The following MAEA variants were observed in gnomAD, a reference collection of about 807,000 sequenced individuals.
MAEA encodes the protein macrophage erythroblast attacher, E3 ubiquitin ligase.
In MAEA, 22 loss-of-function variants were observed where a neutral mutation model predicts 46.2. That is an observed-to-expected ratio of 0.48 (90% CI 0.34 to 0.68). The LOEUF (loss-of-function observed/expected upper bound fraction) is 0.68. Among genes scored for constraint, MAEA ranks in the 30% least tolerant of loss-of-function variants. The pLI, the probability that MAEA is intolerant of heterozygous loss-of-function variation, is 0.01. For missense variants in MAEA, 393 were observed against 558.1 expected, an observed-to-expected ratio of 0.70 and a Z score of 2.98; for synonymous variants, 246 against 222.6, an observed-to-expected ratio of 1.11 and a Z score of -0.94.
intron 6 of MAEA, among the ~76,000 whole-genome samples, chr4:1,334,102 T>C (rs186036134): frequency 1.7e-4 from 1 of 5,780 alleles, no homozygotes; most frequent in African/African-American, 7.9e-4. Flanking sequence ...ATCCCATGCC[T>C]ACCGTGCTCA....
chr4:1,336,052 G>T (rs530293513), intron 6 of MAEA, among the ~76,000 whole-genome samples: 39 of 146,828 alleles, frequency 2.7e-4, no homozygotes, highest in African/African-American at 9.9e-4. Context: ...GCCCTGCAGT[G>T]TGTTGAAATC....
chr4:1,315,940 C>T (rs1737107462), intron 3 of MAEA, among the ~76,000 whole-genome samples: 1 of 137,572 alleles, frequency 7.3e-6, no homozygotes, highest in African/African-American at 2.7e-5. Flanking sequence ...TGGTGAGGGC[C>T]TCCTCCCCAG....
chr4:1,298,062 C>G, intron 1 of MAEA: 1 of 456,308 alleles, frequency 2.2e-6, no homozygotes, highest in African/African-American at 2.0e-5. Flanking sequence ...GTGTCGAGTA[C>G]TGCCTGGCAG....
chr4:1,337,211 C>T (rs558531402), intron 7 of MAEA: 40 of 576,648 alleles, frequency 6.9e-5, no homozygotes, highest in East Asian at 4.8e-4. Flanking sequence ...GGAAGTGGCG[C>T]GCTTCCTCTC....
intron 5 of MAEA, chr4:1,330,969 A>G (rs1433194311): frequency 6.6e-6 from 1 of 152,166 alleles, no homozygotes; most frequent in Admixed American, 6.5e-5. Context: ...CGCGTAAACC[A>G]GGTCATGCAA....
At chr4:1,298,747 G>A (rs1735031780) in intron 1 of MAEA, among the ~76,000 whole-genome samples, 1 of 152,192 alleles carries the variant, frequency 6.6e-6, no homozygotes, top group South Asian at 2.1e-4. Context: ...ACAGGGTCTA[G>A]TGGACTGATA....
chr4:1,337,733 T>TG, intron 7 of MAEA: 1 of 173,638 alleles, frequency 5.8e-6, no homozygotes, highest in Admixed American at 6.2e-5. Context: ...CCCTGCCCTG[T>TG]GACTGTCTCA....
chr4:1,329,424 C>T (rs759393241), intron 5 of MAEA: 1 of 985,470 alleles, frequency 1.0e-6, no homozygotes, highest in Non-Finnish European at 1.2e-6. Flanking sequence ...GCTGTGCCCT[C>T]TGCGGCCTCG....
intron 4 of MAEA, among the ~76,000 whole-genome samples, chr4:1,326,512 C>T (rs771280044): frequency 2.6e-5 from 4 of 152,302 alleles, no homozygotes; most frequent in South Asian, 2.1e-4. Flanking sequence ...TCTCGGCCCA[C>T]GTTGGACTGA....
At chr4:1,296,608 GCT>G (rs1422283760) in intron 1 of MAEA, among the ~76,000 whole-genome samples, 1 of 147,928 alleles carries the variant, frequency 6.8e-6, no homozygotes, top group African/African-American at 2.6e-5. Flanking sequence ...TGTGCACGTG[GCT>G]CTGAGTCTTC....
intron 6 of MAEA, chr4:1,335,361 C>A: frequency 1.0e-6 from 1 of 985,494 alleles, no homozygotes; most frequent in Non-Finnish European, 1.2e-6. Flanking sequence ...AGTTGATTCA[C>A]AAGTGAGTGT....
chr4:1,296,886 C>A (rs2108859921), intron 1 of MAEA, among the ~76,000 whole-genome samples: 1 of 152,258 alleles, frequency 6.6e-6, no homozygotes, highest in South Asian at 2.1e-4. Flanking sequence ...TCCTCACTTG[C>A]CTATGCTGTC....
chr4:1,315,674 C>T lies in MAEA; in HGVS notation c.456+74C>T, dbSNP rs554990538. ...TATGGCCAGCCGCCCTGTGGCATGT[C>T]CCCCGGCATGCCTGTGTCCCTACAT... On this transcript the variant is annotated intron_variant, in intron 3 of 8. Coordinates refer to ENST00000303400, the MANE Select transcript of MAEA (RefSeq NM_001017405.3). The T allele has an allele frequency of 1.2e-4, 181 of 1,460,908 alleles. 1 individual carries two copies. The Admixed American group carries it at 2.9e-3, about 23-fold the overall frequency. The allele number at this position is 1,460,908 out of a possible 1,614,324, so 90.5% of individuals were successfully genotyped here. A position where few individuals can be genotyped will look rare whatever the true frequency, so the allele number is the denominator to read the frequency against.
At chr4:1,295,315 G>T (rs1449983169) in intron 1 of MAEA, among the ~76,000 whole-genome samples, 1 of 152,058 alleles carries the variant, frequency 6.6e-6, no homozygotes, top group Non-Finnish European at 1.5e-5. Context: ...ATAGCTAGGG[G>T]CCATTATTTT....
chr4:1,315,659 C>G lies in MAEA; in HGVS notation c.456+59C>G, dbSNP rs59318613. On this transcript the variant is annotated intron_variant, in intron 3 of 8. Coordinates refer to ENST00000303400, the MANE Select transcript of MAEA (RefSeq NM_001017405.3). ...AGCTGGCCCCAGGCCTATGGCCAGC[C>G]GCCCTGTGGCATGTCCCCCGGCATG... is the stretch of plus-strand genomic sequence containing the variant. The G allele has an allele frequency of 0.013, 20,292 of 1,551,580 alleles. 1,991 individuals are homozygous for G. The African/African-American group carries it at 0.23, about 17-fold the overall frequency.
intron 5 of MAEA, chr4:1,329,404 C>T (rs1490137319): frequency 2.0e-6 from 2 of 985,452 alleles, no homozygotes; most frequent in Non-Finnish European, 2.4e-6. Context: ...ATGTCTGAGC[C>T]GAGCTCAGAG....
intron 7 of MAEA, chr4:1,337,668 C>A (rs1477868317): frequency 5.8e-6 from 1 of 171,738 alleles, no homozygotes. Context: ...CTGTCCCTTC[C>A]TGCAACTGAG....
intron 3 of MAEA, among the ~76,000 whole-genome samples, chr4:1,319,099 C>T (rs539044931): frequency 6.6e-6 from 1 of 152,342 alleles, no homozygotes; most frequent in African/African-American, 2.4e-5. Flanking sequence ...AACCCGTAAT[C>T]CTAGCACTCT....
chr4:1,337,768 G>T, intron 7 of MAEA: 1 of 172,872 alleles, frequency 5.8e-6, no homozygotes, highest in South Asian at 9.3e-5. Flanking sequence ...CGTCCTGCCT[G>T]TGACTCAGCC....
Sources: gnomAD v4.1 joint callset for allele counts (sites outside exome capture counted in the v4.1 genomes callset) on GRCh38, gnomAD v4.1.1 for gene constraint, MANE v1.5 for transcripts, NCBI Gene and HGNC (gene_info 2026-07-23, HGNC 2026-07-21) for gene names.